PPIG: variants seen among roughly 807,000 people sequenced by gnomAD.
PPIG encodes peptidyl-prolyl cis-trans isomerase G.
In PPIG, 26 loss-of-function variants were observed where a neutral mutation model predicts 87.9. That is an observed-to-expected ratio of 0.30 (90% CI 0.22 to 0.41). The LOEUF (loss-of-function observed/expected upper bound fraction) is 0.41. PPIG is among the 10% of genes least tolerant of loss of function. The pLI is 1.00. For synonymous variants in PPIG, 308 were observed against 276.5 expected (o/e 1.11, Z -1.13); for missense variants, 722 against 879.4 (o/e 0.82, Z 2.26).
intron 7 of PPIG, among the ~76,000 whole-genome samples, chr2:169,609,022 T>C (rs967418003): frequency 6.8e-6 from 1 of 147,750 alleles, no homozygotes; most frequent in Non-Finnish European, 1.5e-5. Flanking sequence ...AGGGGGAGCT[T>C]ACAGTGAGCT....
chr2:169,606,267 C>A (rs1685320939), intron 5 of PPIG, 121 bp downstream of exon 5: 3 of 763,334 alleles, frequency 3.9e-6, no homozygotes, highest in East Asian at 2.7e-5. Context: ...AATCTTTGGT[C>A]AATTAGAAGT....
At chr2:169,620,740 T>C (rs1344485481) in intron 9 of PPIG, among the ~76,000 whole-genome samples, 4 of 152,332 alleles carry the variant, frequency 2.6e-5, no homozygotes, top group African/African-American at 9.6e-5. Flanking sequence ...TCTGAAATGG[T>C]AAGAACTTTA....
chr2:169,630,846 C>G lies in PPIG; in HGVS notation c.620C>G (p.Ser207Ter), dbSNP rs371000540. The G allele has an allele frequency of 1.2e-6, 2 of 1,612,996 alleles. No homozygotes were observed. Among genetic ancestry groups the G allele is most frequent in the Non-Finnish European group, 1.7e-6 (2 of 1,179,424 alleles). Residue 207 changes from serine to a stop codon, truncating the protein, a stop_gained, in exon 10 of 14, where the codon TCA becomes TGA. Coordinates refer to ENST00000260970, the MANE Select transcript of PPIG (RefSeq NM_004792.3). LOFTEE classifies it high-confidence loss of function. Reference sequence around the variant, plus strand: ...TCCTCATCTAGTGACTCAGATAGCTCAAGTGATTCTCAGTCCTCTTCTGAT... The same window carrying G: ...TCCTCATCTAGTGACTCAGATAGCTGAAGTGATTCTCAGTCCTCTTCTGAT... ...SSSSSSDSDS[S>*]SDSQSSSDSS...
Position 169,606,197 on chromosome 2 carries a change from C to T in PPIG, c.244+51C>T, listed in dbSNP as rs182178857. 8.1e-4 allele frequency: 1,058 copies of T among 1,298,732 alleles called. 13 individuals are homozygous for T. In the Admixed American group the frequency reaches 0.015, roughly 18 times the overall value. 80.5% of individuals were successfully genotyped at this position (1,298,732 alleles called of 1,614,324 possible). On this transcript the variant is annotated intron_variant, in intron 5 of 13. Coordinates refer to ENST00000260970, the MANE Select transcript of PPIG (RefSeq NM_004792.3). ...ATTTTCTGTTAAATATCACAGATCT[C>T]AAAGTTAGACAAGTCCCTAGAAGTT...
At chr2:169,636,006 C>T in intron 12 of PPIG, 86 bp from the exon 13 acceptor site, 2 of 1,003,682 alleles carry the variant, frequency 2.0e-6, no homozygotes, top group Middle Eastern at 3.1e-4. Context: ...CTGACCCTCA[C>T]CCCAGTACTT....
chr2:169,602,542 C>T (rs1025498586), intron 1 of PPIG, among the ~76,000 whole-genome samples: 2 of 152,130 alleles, frequency 1.3e-5, no homozygotes, highest in African/African-American at 4.8e-5. Flanking sequence ...TCTCGAACTC[C>T]TGACCCTGAT....
At chr2:169,604,881 A>G (rs1334314957) in intron 4 of PPIG, among the ~76,000 whole-genome samples, 2 of 150,846 alleles carry the variant, frequency 1.3e-5, no homozygotes, top group Non-Finnish European at 3.0e-5. Context: ...TCTAAAAAAA[A>G]AAAAAGAAAG....
chr2:169,612,457 C>T (rs1177106694), intron 7 of PPIG, among the ~76,000 whole-genome samples: 1 of 148,032 alleles, frequency 6.8e-6, no homozygotes, highest in Non-Finnish European at 1.5e-5. Context: ...AATCTCGGCT[C>T]ACTGCAAGCT....
At chr2:169,588,853 G>A (rs1328051214) in intron 1 of PPIG, among the ~76,000 whole-genome samples, 3 of 150,752 alleles carry the variant, frequency 2.0e-5, no homozygotes, top group South Asian at 4.2e-4. Flanking sequence ...CCAGCTACTC[G>A]GAGGCTGAGG....
In PPIG at chr2:169,639,293, A is replaced by C. The variant is rs1033620730; in HGVS notation, c.*1770A>C. ...CTGAGTGCCCAAGCTATATAACGTT[A>C]TGTAGTTTAAGCAAGTTATTGTTTG... On this transcript the variant is annotated 3_prime_UTR_variant, in exon 14 of 14. Transcript: ENST00000260970. The C allele has an allele frequency of 6.6e-6, 1 of 152,074 alleles. No individual in the cohort carries two copies. The highest frequency in any genetic ancestry group is 1.9e-4 in the East Asian group (1 of 5,204). 9.4% of individuals were successfully genotyped at this position (152,074 alleles called of 1,614,324 possible). A position where few individuals can be genotyped will look rare whatever the true frequency, so the allele number is the denominator to read the frequency against.
Position 169,637,477 on chromosome 2 carries a change from T to G in PPIG, c.2219T>G (p.Phe740Cys), listed in dbSNP as rs1686213672. ...CATGTACATGAAAAAAATAAAAAAT[T>G]TGATCATGAATCAAGCCCTGGAACA... ...NDHVHEKNKKFDHESSPGTDE... is the reference protein window; with the variant it reads ...NDHVHEKNKKCDHESSPGTDE... The change falls in exon 14 of 14, where the codon TTT becomes TGT. Residue 740 changes from phenylalanine to cysteine, a missense_variant. Phe to Cys is a radical substitution (Grantham distance 205). Transcript: ENST00000260970. 1 of 1,603,704 alleles carries G rather than the reference T, an allele frequency of 6.2e-7. No individual in the cohort carries two copies. Among genetic ancestry groups the G allele is most frequent in the Non-Finnish European group, 8.5e-7 (1 of 1,177,860 alleles).
chr2:169,627,145 C>T (rs997674843), intron 9 of PPIG, among the ~76,000 whole-genome samples: 1 of 152,222 alleles, frequency 6.6e-6, no homozygotes, highest in African/African-American at 2.4e-5. Flanking sequence ...GTCTCCCAGG[C>T]TGGATTGCAG....
At chr2:169,625,179 C>T (rs1255426909) in intron 9 of PPIG, among the ~76,000 whole-genome samples, 1 of 152,158 alleles carries the variant, frequency 6.6e-6, no homozygotes, top group Non-Finnish European at 1.5e-5. Flanking sequence ...GAAAATAGAT[C>T]TCAACAAACT....
At chr2:169,590,558 C>A (rs1462959751) in intron 1 of PPIG, among the ~76,000 whole-genome samples, 2 of 151,926 alleles carry the variant, frequency 1.3e-5, no homozygotes, top group Admixed American at 6.6e-5. Context: ...AGAAGAATGG[C>A]GTGAACCCGG....
At chr2:169,609,714 T>G (rs1685432856) in intron 7 of PPIG, among the ~76,000 whole-genome samples, 1 of 152,196 alleles carries the variant, frequency 6.6e-6, no homozygotes, top group South Asian at 2.1e-4. Flanking sequence ...AGCTGTTCCC[T>G]TATTAGAATG....
chr2:169,613,508 A>G (rs758671883), intron 7 of PPIG, among the ~76,000 whole-genome samples: 1 of 152,178 alleles, frequency 6.6e-6, no homozygotes, highest in African/African-American at 2.4e-5. Flanking sequence ...CAACCTTTTT[A>G]CCTACATAGC....
At chr2:169,595,452 AT>A (rs1432406744) in intron 1 of PPIG, among the ~76,000 whole-genome samples, 3 of 152,016 alleles carry the variant, frequency 2.0e-5, no homozygotes, top group Non-Finnish European at 2.9e-5. Context: ...ATACAATTAA[AT>A]TTTTTTTGAG....
rs147523370 is a variant in PPIG at position 169,598,541 on chromosome 2, G to A, written c.-69-5101G>A. 3.0e-3 allele frequency among the ~76,000 whole-genome samples: 463 copies of A among 152,058 alleles called. 3 individuals carry two copies. The highest frequency in any genetic ancestry group is 0.018 in the East Asian group (93 of 5,162). On this transcript the variant is annotated intron_variant, in intron 1 of 13. Coordinates refer to ENST00000260970, the MANE Select transcript of PPIG (RefSeq NM_004792.3). ...CTCCTGACCTTGTGATCCACCCAAAGCGGCCTCCCAAAATGTTGGGATTAC... is the reference window on the plus strand; with the variant it reads ...CTCCTGACCTTGTGATCCACCCAAAACGGCCTCCCAAAATGTTGGGATTAC...
intron 7 of PPIG, among the ~76,000 whole-genome samples, chr2:169,610,511 A>G (rs1486073537): frequency 1.3e-5 from 2 of 151,738 alleles, no homozygotes; most frequent in Admixed American, 1.3e-4. Flanking sequence ...AGTTTATGAA[A>G]TAGTAACATT....
Sources: gnomAD v4.1 joint callset for allele counts (sites outside exome capture counted in the v4.1 genomes callset) on GRCh38, gnomAD v4.1.1 for gene constraint, MANE v1.5 for transcripts, NCBI Gene and HGNC (gene_info 2026-07-23, HGNC 2026-07-21) for gene names.